TRAPPC9: variants seen among roughly 807,000 people sequenced by gnomAD.
TRAPPC9 encodes the protein trafficking protein particle complex subunit 9, also known as IKK2 binding protein.
TRAPPC9 carries 83 observed loss-of-function variants against 124.0 expected under a neutral mutation model. The ratio of observed to expected loss-of-function variants is 0.67; its 90% confidence interval spans 0.56 to 0.80. TRAPPC9 has a LOEUF of 0.80. TRAPPC9 is among the 30% of genes least tolerant of loss of function. The pLI, the probability that TRAPPC9 is intolerant of heterozygous loss-of-function variation, is 0.00. For missense variants in TRAPPC9, 1,302 were observed against 1,508.3 expected (o/e 0.86, Z 2.27); for synonymous variants, 638 against 617.5 (o/e 1.03, Z -0.49).
intron 17 of TRAPPC9, among the ~76,000 whole-genome samples, chr8:140,176,032 G>A (rs531838557): frequency 2.6e-5 from 4 of 152,214 alleles, no homozygotes; most frequent in South Asian, 2.1e-4. Context: ...GAAGGAAACC[G>A]TCGCAACTCA....
At chr8:140,328,911 G>A (rs1042961806) in intron 9 of TRAPPC9, among the ~76,000 whole-genome samples, 1 of 152,092 alleles carries the variant, frequency 6.6e-6, no homozygotes, top group African/African-American at 2.4e-5. Context: ...TTTGGGGACC[G>A]GGTGGAGGAG....
chr8:140,268,500 C>T (rs1260414343), intron 15 of TRAPPC9, among the ~76,000 whole-genome samples: 1 of 152,224 alleles, frequency 6.6e-6, no homozygotes, highest in African/African-American at 2.4e-5. Context: ...TCATTTTTCA[C>T]GTGTAACCCT....
chr8:139,968,581 C>T (rs957025168), intron 19 of TRAPPC9, among the ~76,000 whole-genome samples: 10 of 152,252 alleles, frequency 6.6e-5, no homozygotes, highest in African/African-American at 2.2e-4. Flanking sequence ...ACGTTGTCTA[C>T]TCCGGACAAG....
chr8:140,128,636 G>A (rs931530588), intron 17 of TRAPPC9, among the ~76,000 whole-genome samples: 25 of 152,358 alleles, frequency 1.6e-4, no homozygotes, highest in African/African-American at 5.8e-4. Flanking sequence ...ATGATCCCGT[G>A]GGGTGGGGAT....
At chr8:140,246,815 T>C (rs1438237010) in intron 16 of TRAPPC9, among the ~76,000 whole-genome samples, 1 of 152,042 alleles carries the variant, frequency 6.6e-6, no homozygotes, top group Non-Finnish European at 1.5e-5. Context: ...TGAAACCCCG[T>C]CTCTCCTAAA....
At chr8:139,766,177 A>G (rs923114049) in intron 21 of TRAPPC9, among the ~76,000 whole-genome samples, 2 of 152,232 alleles carry the variant, frequency 1.3e-5, no homozygotes, top group Non-Finnish European at 2.9e-5. Flanking sequence ...GAGTTCTGAC[A>G]GCCTCAGGCT....
intron 19 of TRAPPC9, among the ~76,000 whole-genome samples, chr8:139,988,086 A>G (rs1837362628): frequency 6.6e-6 from 1 of 150,472 alleles, no homozygotes; most frequent in Admixed American, 6.6e-5. Context: ...CTGATGCCAA[A>G]TATTTCCAGA....
rs150453741 is a variant in TRAPPC9, at chr8:140,424,828, G to A, written c.886+1787C>T. On this transcript the variant is annotated intron_variant, in intron 5 of 22. Transcript: ENST00000438773. ...CCGAAAACCGTGAAACTCTTCTTCC[G>A]GTTTTGGAAACGGTGGTGAGGAAAG... 3.9e-4 allele frequency among the ~76,000 whole-genome samples: 59 copies of A among 152,194 alleles called. No individual in the cohort carries two copies. The East Asian group carries it at 0.01, about 26-fold the overall frequency.
chr8:140,457,638 C>G lies in TRAPPC9; in HGVS notation c.-11+1G>C, dbSNP rs1216295896. The G allele has an allele frequency of 1.0e-6, 1 of 986,320 alleles. No individual in the cohort carries two copies. The highest frequency in any genetic ancestry group is 1.2e-6 in the Non-Finnish European group (1 of 830,640). The allele number at this position is 986,320 out of a possible 1,614,324, so 61.1% of individuals were successfully genotyped here. A position where few individuals can be genotyped will look rare whatever the true frequency, so the allele number is the denominator to read the frequency against. On this transcript the variant is annotated splice_donor_variant, in intron 1 of 22. Coordinates refer to ENST00000438773, the MANE Select transcript of TRAPPC9 (RefSeq NM_001160372.4). LOFTEE classifies it low-confidence loss of function (5UTR_SPLICE). ...CGGGAGCCCCCCCGCTTTGCACTTA[C>G]ACAGCCGGTGGCCCCGGGCCCGGAG...
chr8:140,028,317 G>A (rs368505801), intron 17 of TRAPPC9, among the ~76,000 whole-genome samples: 1 of 151,996 alleles, frequency 6.6e-6, no homozygotes, highest in African/African-American at 2.4e-5. Context: ...AATCATAAAC[G>A]AGGGACTACA....
intron 21 of TRAPPC9, among the ~76,000 whole-genome samples, chr8:139,808,403 G>A (rs2130730327): frequency 6.6e-6 from 1 of 152,342 alleles, no homozygotes; most frequent in East Asian, 1.9e-4. Flanking sequence ...GAAGGTTGCA[G>A]TGAGCCGAGA....
intron 5 of TRAPPC9, among the ~76,000 whole-genome samples, chr8:140,420,010 A>G (rs1418449444): frequency 6.6e-6 from 1 of 152,148 alleles, no homozygotes; most frequent in South Asian, 2.1e-4. Flanking sequence ...ACAAATTTGA[A>G]GGATATAAAA....
intron 18 of TRAPPC9, among the ~76,000 whole-genome samples, chr8:140,007,450 G>T (rs1218343769): frequency 1.3e-5 from 2 of 152,182 alleles, no homozygotes; most frequent in Non-Finnish European, 2.9e-5. Context: ...AAATTCACAA[G>T]AAATTATTTG....
intron 8 of TRAPPC9, among the ~76,000 whole-genome samples, chr8:140,367,662 C>T (rs2132222111): frequency 6.6e-6 from 1 of 152,206 alleles, no homozygotes; most frequent in South Asian, 2.1e-4. Flanking sequence ...ATACTCATCA[C>T]TACACATTTG....
At chr8:140,114,742 A>AGAACC (rs2060846933) in intron 17 of TRAPPC9, among the ~76,000 whole-genome samples, 1 of 152,182 alleles carries the variant, frequency 6.6e-6, no homozygotes, top group Non-Finnish European at 1.5e-5. Flanking sequence ...AGCGGGAGGG[A>AGAACC]GAACCGCAAA....
At chr8:140,045,639 A>AC (rs1308209667) in intron 17 of TRAPPC9, among the ~76,000 whole-genome samples, 1 of 134,926 alleles carries the variant, frequency 7.4e-6, no homozygotes, top group African/African-American at 2.8e-5. Flanking sequence ...CAGAAAAAAA[A>AC]AAAAAAAAAA....
At chr8:140,126,976 G>C (rs1190848538) in intron 17 of TRAPPC9, among the ~76,000 whole-genome samples, 2 of 152,226 alleles carry the variant, frequency 1.3e-5, no homozygotes, top group African/African-American at 4.8e-5. Context: ...TGATAGACGA[G>C]GCAGAGAAGA....
At chr8:140,406,145 C>T (rs181644100) in intron 5 of TRAPPC9, among the ~76,000 whole-genome samples, 1 of 152,062 alleles carries the variant, frequency 6.6e-6, no homozygotes, top group Admixed American at 6.6e-5. Context: ...TGATAGTATG[C>T]TTTCTATGCC....
intron 13 of TRAPPC9, among the ~76,000 whole-genome samples, chr8:140,287,367 C>T (rs541003470): frequency 5.8e-4 from 88 of 152,088 alleles, no homozygotes; most frequent in African/African-American, 1.9e-3. Context: ...AGAAAGGAGA[C>T]GAAGCAGAGG....
Sources: allele counts gnomAD v4.1 joint callset (sites outside exome capture counted in the v4.1 genomes callset), GRCh38; gene constraint gnomAD v4.1.1; transcripts MANE v1.5; gene names NCBI Gene and HGNC (gene_info 2026-07-23, HGNC 2026-07-21).